Variants in FLG observed in about 807,000 individuals in gnomAD.
FLG encodes epidermal filaggrin.
Under a neutral mutation model 3.8 loss-of-function variants are expected in FLG, and 6 were observed. The ratio of observed to expected loss-of-function variants is 1.60; its 90% CI spans 0.87 to 3.15. FLG has a LOEUF of 3.15. FLG is among the 30% of genes most tolerant of loss of function. The pLI is 0.00. For missense variants in FLG, 7,595 were observed against 5,050.9 expected (o/e 1.50, Z -15.27); for synonymous variants, 2,551 against 1,931.6 (o/e 1.32, Z -8.41).
Position 152,308,342 on chromosome 1 carries a change from C to T in FLG, c.6544G>A (p.Gly2182Arg). 6.2e-7 allele frequency: 1 copy of T among 1,613,692 alleles called. No individual in the cohort carries two copies. The highest frequency in any genetic ancestry group is 1.1e-5 in the South Asian group (1 of 91,058). Residue 2182 changes from glycine to arginine, a missense_variant, in exon 3 of 3, where the codon GGG becomes AGG. Transcript: ENST00000368799. ...TSQGRSDASRGQSGSRSASRK... is the reference protein window; with the variant it reads ...TSQGRSDASRRQSGSRSASRK... ...CTTGCACTTCTGGATCCTGACTGCC[C>T]ACGGGAGGCATCAGACCTTCCCTGG...
intron 1 of FLG, 42 bp downstream of exon 1, chr1:152,325,147 G>A (rs1009065167): frequency 3.3e-5 from 5 of 151,776 alleles, no homozygotes; most frequent in African/African-American, 2.4e-5. Context: ...TTTCCACCTT[G>A]GTTAATAGTA....
At chr1:152,322,381 G>A (rs187842390) in intron 1 of FLG, among the ~76,000 whole-genome samples, 36 of 151,332 alleles carry the variant, frequency 2.4e-4, no homozygotes, top group Admixed American at 9.2e-4. Flanking sequence ...CCAAAAGAAT[G>A]TATAGCTAAA....
chr1:152,303,239 C>G lies in FLG; in HGVS notation c.11647G>C (p.Ala3883Pro). The change falls in exon 3 of 3, where the codon GCT becomes CCT. Residue 3883 changes from alanine (A) to proline (P), a missense_variant. Ala to Pro is a conservative substitution (Grantham distance 27, BLOSUM62 -1). Transcript: ENST00000368799. Reference protein sequence around the residue: ...PEDSERRSESASRNHHGSSRE... With the variant: ...PEDSERRSESPSRNHHGSSRE... ...GAAGATCCATGATGGTTTCTGGAAG[C>G]AGACTCAGATCGCCTCTCAGAGTCC... 1 of 1,614,058 alleles carries G rather than the reference C, an allele frequency of 6.2e-7. No individual in the cohort carries two copies. The highest frequency in any genetic ancestry group is 8.5e-7 in the Non-Finnish European group (1 of 1,180,014).
At chr1:152,318,250 C>T (rs1029075713) in intron 1 of FLG, among the ~76,000 whole-genome samples, 17 of 151,900 alleles carry the variant, frequency 1.1e-4, no homozygotes, top group African/African-American at 4.1e-4. Context: ...TAACCTGCTT[C>T]TCTCAATTTT....
Position 152,310,601 on chromosome 1 carries a change from C to G in FLG, c.4285G>C (p.Gly1429Arg). ...HQQSHKESARGQSGESSGRSR... is the reference protein window; with the variant it reads ...HQQSHKESARRQSGESSGRSR... Reference sequence around the variant, plus strand: ...CGTCCAGAGCTTTCCCCTGACTGGCCACGTGCGGACTCTTTGTGGCTCTGC... The same window carrying G: ...CGTCCAGAGCTTTCCCCTGACTGGCGACGTGCGGACTCTTTGTGGCTCTGC... Residue 1429 changes from glycine (G) to arginine (R), a missense_variant, in exon 3 of 3, where the codon GGC becomes CGC. Coordinates refer to ENST00000368799, the MANE Select transcript of FLG (RefSeq NM_002016.2). The G allele has an allele frequency of 6.2e-7, 1 of 1,613,922 alleles. No individual in the cohort carries two copies. Among genetic ancestry groups the G allele is most frequent in the Non-Finnish European group, 8.5e-7 (1 of 1,179,958 alleles).
rs778040277 is a variant in FLG at position 152,307,110 on chromosome 1, A to G, written c.7776T>C (p.His2592=). Residue 2592 remains histidine, a synonymous_variant, in exon 3 of 3, where the codon CAT becomes CAC. Transcript: ENST00000368799. ...CTCTTAGCTGCTCCTGAGCAGATCC[A>G]TGATGGTTTCTGGAAGCAGACCCAG... ...RWSGSASRNH[H]GSAQEQLRDG... 4.3e-6 allele frequency: 7 copies of G among 1,611,262 alleles called. No individual in the cohort carries two copies. Among genetic ancestry groups the G allele is most frequent in the East Asian group, 4.5e-5 (2 of 44,678 alleles).
chr1:152,312,528 C>T lies in FLG; in HGVS notation c.2358G>A (p.Arg786=), dbSNP rs776468837. The change falls in exon 3 of 3, where the codon AGG becomes AGA. Residue 786 remains arginine, a synonymous_variant. Coordinates refer to ENST00000368799, the MANE Select transcript of FLG (RefSeq NM_002016.2). ...AGAGGAAAGACCCTGAACGTCGAGA[C>T]CTTTCCCCTGACCGGTCACGTGCGG... is the stretch of plus-strand genomic sequence containing the variant. ...QESARDRSGE[R]SRRSGSFLYQ... is the part of the protein sequence containing the mutation. 1.2e-6 allele frequency: 2 copies of T among 1,613,504 alleles called. No homozygotes were observed. The highest frequency in any genetic ancestry group is 1.7e-5 in the Admixed American group (1 of 59,976).
chr1:152,312,384 G>A lies in FLG; in HGVS notation c.2502C>T (p.Ser834=). 5.0e-6 allele frequency: 8 copies of A among 1,611,190 alleles called. No individual in the cohort carries two copies. The highest frequency in any genetic ancestry group is 6.8e-6 in the Non-Finnish European group (8 of 1,179,234). The stretch of plus-strand genomic sequence containing the variant: ...CACGAATGGTGTCCTGACCATCTTG[G>A]GATGCTGAGTGCCTGGAGTTGTCTC... ...QARDNSRHSA[S]QDGQDTIRGH... is the part of the protein sequence containing the mutation. Residue 834 remains serine (S), a synonymous_variant, in exon 3 of 3, where the codon TCC becomes TCT. Transcript: ENST00000368799.
At position 152,307,231 on chromosome 1, in the gene FLG, C is replaced by A. The variant is rs200637568; in HGVS notation, c.7655G>T (p.Gly2552Val). Residue 2552 changes from glycine (G) to valine (V), a missense_variant, in exon 3 of 3, where the codon GGA becomes GTA. Physicochemically the swap from Gly to Val is moderately radical, Grantham distance 109. Coordinates refer to ENST00000368799, the MANE Select transcript of FLG (RefSeq NM_002016.2). ...DSSGHSQVGQ[G>V]QSEGPRTSRN... Reference sequence around the variant, plus strand: ...GCTTGTCCTGGGCCCCTCTGATTGTCCCTGGCCCACCTGCGAGTGTCCAGA... The same window carrying A: ...GCTTGTCCTGGGCCCCTCTGATTGTACCTGGCCCACCTGCGAGTGTCCAGA... 6.2e-7 allele frequency: 1 copy of A among 1,612,758 alleles called. No homozygotes were observed. The highest frequency in any genetic ancestry group is 1.1e-5 in the South Asian group (1 of 91,078).
At position 152,309,157 on chromosome 1, in the gene FLG, G is replaced by T. The variant is rs550114260; in HGVS notation, c.5729C>A (p.Thr1910Lys). 18 of 1,613,474 alleles carry T rather than the reference G, an allele frequency of 1.1e-5. No homozygotes were observed. In the East Asian group the frequency reaches 3.1e-4, roughly 28 times the overall value. Residue 1910 changes from threonine (T) to lysine (K), a missense_variant, in exon 3 of 3, where the codon ACA becomes AAA. Thr to Lys is a moderately conservative substitution (Grantham distance 78). Transcript: ENST00000368799. ...VGQGQSSGPR[T>K]SRNQGSSVSQ... is the part of the protein sequence containing the mutation. ...AACACTGGATCCCTGGTTCCTGCTT[G>T]TCCTGGGCCCTGATGATTGTCCCTG...
chr1:152,303,622 T>A lies in FLG; in HGVS notation c.11264A>T (p.Gln3755Leu), dbSNP rs544103464. The change falls in exon 3 of 3, where the codon CAG becomes CTG. Residue 3755 changes from glutamine (Q) to leucine (L), a missense_variant. Transcript: ENST00000368799. Reference protein sequence around the residue: ...SSRHSASQEGQDTIRGHPGSR... With the variant: ...SSRHSASQEGLDTIRGHPGSR... ...CCCCGGGTGTCCACGAATGGTGTCC[T>A]GACCCTCTTGGGACGCTGAGTGCCT... 7 of 1,614,082 alleles carry A rather than the reference T, an allele frequency of 4.3e-6. No homozygotes were observed. The South Asian group carries it at 7.7e-5, about 18-fold the overall frequency.
rs560068280 is a variant in FLG at position 152,311,343 on chromosome 1, A to C, written c.3543T>G (p.His1181Gln). The change falls in exon 3 of 3, where the codon CAT becomes CAG. Residue 1181 changes from histidine (H) to glutamine (Q), a missense_variant. Physicochemically the swap from His to Gln is conservative, Grantham distance 24. Coordinates refer to ENST00000368799, the MANE Select transcript of FLG (RefSeq NM_002016.2). ...GTCCAGATCTATCTACCGATTGCTCATGGTGGGATCCCTGCCTTCCTCCTC... is the reference window on the plus strand; with the variant it reads ...GTCCAGATCTATCTACCGATTGCTCCTGGTGGGATCCCTGCCTTCCTCCTC... The part of the protein sequence containing the change: ...SRRGGRQGSH[H>Q]EQSVDRSGHS... The C allele has an allele frequency of 1.9e-6, 3 of 1,613,470 alleles. No homozygotes were observed. The highest frequency in any genetic ancestry group is 2.5e-6 in the Non-Finnish European group (3 of 1,179,862).
At position 152,314,220 on chromosome 1, in the gene FLG, T is replaced by C. The variant is rs1197677749; in HGVS notation, c.666A>G (p.Arg222=). The change falls in exon 3 of 3, where the codon AGA becomes AGG. Residue 222 remains arginine, a synonymous_variant. Transcript: ENST00000368799. ...EGVYDYENTG[R]MTQKWIQSGH... is the part of the protein sequence containing the mutation. Reference sequence around the variant, plus strand: ...CTGATTGTATCCATTTTTGAGTCATTCTTCCTGTATTTTCATAATCATATA... The same window carrying C: ...CTGATTGTATCCATTTTTGAGTCATCCTTCCTGTATTTTCATAATCATATA... 1 of 1,613,938 alleles carries C rather than the reference T, an allele frequency of 6.2e-7. No individual in the cohort carries two copies. Among genetic ancestry groups the C allele is most frequent in the East Asian group, 2.2e-5 (1 of 44,876 alleles).
At position 152,314,515 on chromosome 1, in the gene FLG, C is replaced by A. The variant is rs754018350; in HGVS notation, c.371G>T (p.Arg124Ile). 10 of 1,613,426 alleles carry A rather than the reference C, an allele frequency of 6.2e-6. No homozygotes were observed. Among genetic ancestry groups the A allele is most frequent in the South Asian group, 4.4e-5 (4 of 91,040 alleles). The change falls in exon 3 of 3, where the codon AGA becomes ATA. Residue 124 changes from arginine (R) to isoleucine (I), a missense_variant. Transcript: ENST00000368799. The stretch of plus-strand genomic sequence containing the variant: ...GTTTCTTCTTTCCAGACTTGAGGGT[C>A]TTTTTCTGTTTTCTTTGTTTTCTTC... ...KQEENKENRK[R>I]PSSLERRNNR...
rs1193497134 is a variant in FLG at position 152,311,493 on chromosome 1, A to G, written c.3393T>C (p.His1131=). The change falls in exon 3 of 3, where the codon CAT becomes CAC. Residue 1131 remains histidine, a synonymous_variant. Transcript: ENST00000368799. ...VSTHEQSESA[H]GRTRTSTGRR... is the part of the protein sequence containing the mutation. ...GTCCAGTGCTGGTCCTGGTCCGCCC[A>G]TGGGCAGACTCAGACTGTTCATGAG... is the stretch of plus-strand genomic sequence containing the variant. The G allele has an allele frequency of 2.5e-6, 4 of 1,613,336 alleles. No homozygotes were observed. The highest frequency in any genetic ancestry group is 1.3e-5 in the African/African-American group (1 of 74,734).
rs780674540 is a variant in FLG, at chr1:152,310,373, G to A, written c.4513C>T (p.His1505Tyr). ...CCAGACCTATCTACTGATTGCTCGT[G>A]GTAGGATCCCTGCCTTCCTCCTCTG... ...SSRGGRQGSY[H>Y]EQSVDRSGHS... Residue 1505 changes from histidine (H) to tyrosine (Y), a missense_variant, in exon 3 of 3, where the codon CAC becomes TAC. Transcript: ENST00000368799. The A allele has an allele frequency of 1.9e-6, 3 of 1,613,554 alleles. No individual in the cohort carries two copies. The highest frequency in any genetic ancestry group is 2.2e-5 in the East Asian group (1 of 44,836).
chr1:152,321,075 T>C (rs1205450748), intron 1 of FLG, among the ~76,000 whole-genome samples: 3 of 150,654 alleles, frequency 2.0e-5, no homozygotes, highest in Non-Finnish European at 4.5e-5. Context: ...CACACACACA[T>C]ATATACATAT....
rs775763005 is a variant in FLG at position 152,305,133 on chromosome 1, G to T, written c.9753C>A (p.Ser3251=). 4.3e-6 allele frequency: 7 copies of T among 1,613,878 alleles called. No homozygotes were observed. In the South Asian group the frequency reaches 7.7e-5, roughly 18 times the overall value. ...CTTCGTGATGGGACCTGGGGTGTCT[G>T]GAGCCGTGCCTTGACTGCTCCTGAA... is the stretch of plus-strand genomic sequence containing the variant. ...GSVQEQSRHG[S]RHPRSHHEDR... The change falls in exon 3 of 3, where the codon TCC becomes TCA. Residue 3251 remains serine (S), a synonymous_variant. Coordinates refer to ENST00000368799, the MANE Select transcript of FLG (RefSeq NM_002016.2).
chr1:152,308,669 T>G lies in FLG; in HGVS notation c.6217A>C (p.Lys2073Gln), dbSNP rs573866396. The change falls in exon 3 of 3, where the codon AAA becomes CAA. Residue 2073 changes from lysine to glutamine, a missense_variant. Physicochemically the swap from Lys to Gln is moderately conservative, Grantham distance 53. Coordinates refer to ENST00000368799, the MANE Select transcript of FLG (RefSeq NM_002016.2). Reference sequence around the variant, plus strand: ...CCTGACTGGCCACGTGCGGACTCTTTGTGGCTCTGCTGATGGGGCCCAGCT... The same window carrying G: ...CCTGACTGGCCACGTGCGGACTCTTGGTGGCTCTGCTGATGGGGCCCAGCT... ...GKAGPHQQSH[K>Q]ESARGQSGES... 5.0e-5 allele frequency: 80 copies of G among 1,613,922 alleles called. No homozygotes were observed. Among genetic ancestry groups the G allele is most frequent in the Admixed American group, 2.7e-4 (16 of 59,986 alleles).
Sources: gnomAD v4.1 joint callset for allele counts (sites outside exome capture counted in the v4.1 genomes callset) on GRCh38, gnomAD v4.1.1 for gene constraint, MANE v1.5 for transcripts, NCBI Gene and HGNC (gene_info 2026-07-23, HGNC 2026-07-21) for gene names.